Variants in ATP9B observed in about 807,000 individuals in gnomAD.
The protein encoded by ATP9B is ATPase phospholipid transporting 9B.
ATP9B carries 110 observed loss-of-function variants against 146.1 expected under a neutral mutation model. The ratio of observed to expected loss-of-function variants is 0.75; its 90% CI spans 0.65 to 0.88. ATP9B has a LOEUF of 0.88. Among genes scored for constraint, ATP9B ranks in the 40% least tolerant of loss-of-function variants. The pLI is 0.00. For synonymous variants in ATP9B, 604 were observed against 569.7 expected (o/e 1.06, Z -0.86); for missense variants, 1,499 against 1,496.4 (o/e 1.00, Z -0.03).
chr18:79,131,243 A>G (rs952816617), intron 5 of ATP9B, among the ~76,000 whole-genome samples: 8 of 152,388 alleles, frequency 5.2e-5, no homozygotes, highest in Middle Eastern at 3.4e-3. Context: ...TCAAAAATGT[A>G]AAAAGAAAGA....
intron 2 of ATP9B, among the ~76,000 whole-genome samples, chr18:79,109,221 T>C (rs572723829): frequency 6.6e-6 from 1 of 152,332 alleles, no homozygotes; most frequent in East Asian, 1.9e-4. Flanking sequence ...TTCTGAGTCT[T>C]TCTCTACATT....
chr18:79,100,807 A>T (rs927461194), intron 2 of ATP9B, among the ~76,000 whole-genome samples: 11 of 152,312 alleles, frequency 7.2e-5, no homozygotes, highest in African/African-American at 2.6e-4. Flanking sequence ...GGAACAAGTC[A>T]CATCTTATGT....
At chr18:79,118,678 G>A in intron 4 of ATP9B, among the ~76,000 whole-genome samples, 1 of 151,916 alleles carries the variant, frequency 6.6e-6, no homozygotes, top group Non-Finnish European at 1.5e-5. Context: ...GGGATTACAG[G>A]TGTGAGCCAC....
intron 14 of ATP9B, among the ~76,000 whole-genome samples, chr18:79,305,815 G>A (rs1379879690): frequency 1.3e-5 from 2 of 152,184 alleles, no homozygotes; most frequent in South Asian, 2.1e-4. Context: ...TTCTCTATCG[G>A]TATTCTGTTT....
intron 26 of ATP9B, chr18:79,363,682 ATGGATTGAGAGGCATAAACCCATATTCC>A (rs1256091528): frequency 2.0e-5 from 3 of 151,070 alleles, no homozygotes; most frequent in African/African-American, 7.3e-5. Context: ...ACAGATGTTC[ATGGATTGAGAGGCATAAACCCATATTCC>A]TGGATTGAGA....
intron 12 of ATP9B, among the ~76,000 whole-genome samples, chr18:79,258,803 C>T (rs1274991027): frequency 1.3e-5 from 2 of 152,226 alleles, no homozygotes; most frequent in Non-Finnish European, 2.9e-5. Context: ...CCATGTTTCT[C>T]TCACTCAGGA....
At chr18:79,197,630 C>T (rs559672592) in intron 9 of ATP9B, among the ~76,000 whole-genome samples, 10 of 151,978 alleles carry the variant, frequency 6.6e-5, no homozygotes, top group Admixed American at 3.9e-4. Context: ...TCAGAGCAAC[C>T]ACTAAAAAAA....
intron 26 of ATP9B, chr18:79,372,470 G>T (rs2097077364): frequency 2.4e-6 from 1 of 424,324 alleles, no homozygotes; most frequent in African/African-American, 2.0e-5. Context: ...TTGTTGACAA[G>T]AAATAAGGGA....
intron 8 of ATP9B, among the ~76,000 whole-genome samples, chr18:79,188,332 C>T (rs2095328419): frequency 1.3e-5 from 2 of 152,254 alleles, no homozygotes; most frequent in African/African-American, 2.4e-5. Flanking sequence ...AATTGTTCTA[C>T]GTCCCTCAGA....
Position 79,377,307 on chromosome 18 carries a change from G to T in ATP9B, c.3368G>T (p.Ser1123Ile). ...AAAGTGTCGGCGATCACCGTGGTCAGCTGCCTCCCGCTGTATGTCCTCAAG... is the reference window on the plus strand; with the variant it reads ...AAAGTGTCGGCGATCACCGTGGTCATCTGCCTCCCGCTGTATGTCCTCAAG... Reference protein sequence around the residue: ...LWKVSAITVVSCLPLYVLKYL... With the variant: ...LWKVSAITVVICLPLYVLKYL... The change falls in exon 30 of 30, where the codon AGC becomes ATC. Residue 1123 changes from serine (S) to isoleucine (I), a missense_variant. Physicochemically the swap from Ser to Ile is moderately radical, Grantham distance 142. Coordinates refer to ENST00000426216, the MANE Select transcript of ATP9B (RefSeq NM_198531.5). The T allele has an allele frequency of 6.2e-7, 1 of 1,612,252 alleles. No individual in the cohort carries two copies.
intron 19 of ATP9B, chr18:79,340,238 T>G (rs1368945470): frequency 6.6e-6 from 1 of 152,248 alleles, no homozygotes; most frequent in African/African-American, 2.4e-5. Context: ...TTTGGATCTT[T>G]ACATCAATTA....
chr18:79,183,570 C>G (rs927001308), intron 8 of ATP9B, among the ~76,000 whole-genome samples: 1 of 151,986 alleles, frequency 6.6e-6, no homozygotes, highest in African/African-American at 2.4e-5. Flanking sequence ...TTTCTAAATA[C>G]TTCGTTTATA....
intron 5 of ATP9B, among the ~76,000 whole-genome samples, chr18:79,143,251 G>C (rs1232683931): frequency 6.6e-6 from 1 of 152,158 alleles, no homozygotes; most frequent in African/African-American, 2.4e-5. Context: ...TTCTACATTA[G>C]ATGTTTCGTA....
chr18:79,202,262 T>C (rs2095495972), intron 9 of ATP9B, among the ~76,000 whole-genome samples: 1 of 152,262 alleles, frequency 6.6e-6, no homozygotes, highest in African/African-American at 2.4e-5. Flanking sequence ...TTGATATCGC[T>C]AATTTCACTT....
intron 13 of ATP9B, among the ~76,000 whole-genome samples, chr18:79,291,877 A>C (rs2096507035): frequency 6.6e-6 from 1 of 152,068 alleles, no homozygotes; most frequent in Non-Finnish European, 1.5e-5. Context: ...CTAAAAAGCA[A>C]CCTTGGCACT....
At chr18:79,088,211 T>C (rs2074006326) in intron 1 of ATP9B, among the ~76,000 whole-genome samples, 1 of 152,244 alleles carries the variant, frequency 6.6e-6, no homozygotes, top group Non-Finnish European at 1.5e-5. Context: ...TGTGCTGCGT[T>C]TCCCGCATTA....
At chr18:79,226,797 G>C (rs144717488) in intron 11 of ATP9B, among the ~76,000 whole-genome samples, 1 of 152,170 alleles carries the variant, frequency 6.6e-6, no homozygotes, top group South Asian at 2.1e-4. Context: ...AGTGCTCTAC[G>C]GGATAAGTGC....
intron 1 of ATP9B, chr18:79,086,112 A>G (rs2073800802): frequency 6.6e-6 from 1 of 151,960 alleles, no homozygotes; most frequent in African/African-American, 2.4e-5. Flanking sequence ...AATCAGAGAC[A>G]TTTTCTTAGG....
intron 9 of ATP9B, among the ~76,000 whole-genome samples, chr18:79,205,120 T>G (rs1025185711): frequency 6.6e-6 from 1 of 152,178 alleles, no homozygotes; most frequent in Non-Finnish European, 1.5e-5. Context: ...GGACACTTCC[T>G]AACTACTGGG....
Sources: gnomAD v4.1 joint callset for allele counts (sites outside exome capture counted in the v4.1 genomes callset) on GRCh38, gnomAD v4.1.1 for gene constraint, MANE v1.5 for transcripts, NCBI Gene and HGNC (gene_info 2026-07-23, HGNC 2026-07-21) for gene names.